GAS6: variants seen among roughly 807,000 people sequenced by gnomAD.
GAS6 encodes growth arrest specific 6.
GAS6 carries 41 observed loss-of-function variants against 75.8 expected under a neutral mutation model. The observed-to-expected ratio is 0.54, with a 90% CI of 0.42 to 0.70. The LOEUF is 0.70. Ranked by LOEUF, GAS6 falls within the 30% of genes least tolerant of loss-of-function variation. The probability of loss-of-function intolerance (pLI) is 0.00; values close to 1 mark genes in which losing one functional copy is unlikely to be tolerated. For synonymous variants in GAS6, 432 were observed against 412.6 expected, an observed-to-expected ratio of 1.05 and a Z score of -0.57; for missense variants, 854 against 940.2, an observed-to-expected ratio of 0.91 and a Z score of 1.20.
chr13:113,836,795 AGAGGAGGAGGAAGATGAG>A (rs1431332990), intron 6 of GAS6, among the ~76,000 whole-genome samples: 21 of 105,764 alleles, frequency 2.0e-4, no homozygotes, highest in South Asian at 4.1e-4. Flanking sequence ...AGGAGAAGAA[AGAGGAGGAGGAAGATGAG>A]GAGGAGGAGG....
At chr13:113,846,834 G>A (rs1412628238) in intron 3 of GAS6, 11 of 546,450 alleles carry the variant, frequency 2.0e-5, no homozygotes, top group South Asian at 1.4e-4. Context: ...GTAAAGCACC[G>A]CCCGCCGTTT....
At position 113,821,024 on chromosome 13, in the gene GAS6, C is replaced by T. The variant is rs958437135; in HGVS notation, c.1883-6G>A. The T allele has an allele frequency of 4.3e-5, 70 of 1,611,980 alleles. No homozygotes were observed. The highest frequency in any genetic ancestry group is 5.8e-5 in the Non-Finnish European group (68 of 1,179,698). ...CGCTGAAGTCACCGGCACATCTGGG[C>T]CGCAGGGAGAGAACAACATATCTTA... On this transcript the variant is annotated splice_region_variant and splice_polypyrimidine_tract_variant and intron_variant, in intron 14 of 14. Transcript: ENST00000327773.
At chr13:113,847,437 G>A (rs1242132937) in intron 3 of GAS6, among the ~76,000 whole-genome samples, 1 of 152,004 alleles carries the variant, frequency 6.6e-6, no homozygotes, top group East Asian at 1.9e-4. Context: ...CTCTAAGATG[G>A]TGTCAGTTAA....
At chr13:113,827,213 A>C (rs528073880) in intron 11 of GAS6, 49 bp from the exon 12 acceptor site, 1 of 1,586,108 alleles carries the variant, frequency 6.3e-7, no homozygotes, top group African/African-American at 1.3e-5. Context: ...GAGAAGCCCC[A>C]TGCCGGATGC....
chr13:113,821,105 C>T, intron 14 of GAS6, 87 bp from the exon 15 acceptor site: 1 of 1,453,698 alleles, frequency 6.9e-7, no homozygotes, highest in Non-Finnish European at 9.5e-7. Context: ...CGCTTGTGGC[C>T]AGCCCCGGGT....
chr13:113,859,129 CAT>C (rs957592564), intron 2 of GAS6, among the ~76,000 whole-genome samples: 32 of 130,998 alleles, frequency 2.4e-4, no homozygotes, highest in African/African-American at 8.6e-4. Context: ...TGTGTGCTTA[CAT>C]ATGTCTATGT....
intron 12 of GAS6, among the ~76,000 whole-genome samples, chr13:113,825,999 G>A (rs1253015045): frequency 6.6e-6 from 1 of 152,166 alleles, no homozygotes; most frequent in Non-Finnish European, 1.5e-5. Flanking sequence ...AAACGGCTCG[G>A]TGTCCAGGAA....
rs1594187053 is a variant in GAS6 at position 113,823,446 on chromosome 13, G to C, written c.1582C>G (p.Pro528Ala). ...GAGAGAGGCACGGCACGGAGGTCGG[G>C]GGCCCAGAGCGCAAACAGCACGCCT... Reference protein sequence around the residue: ...DTGVLFALWAPDLRAVPLSVA... With the variant: ...DTGVLFALWAADLRAVPLSVA... Residue 528 changes from proline to alanine, a missense_variant, in exon 13 of 15, where the codon CCC (proline) becomes GCC (alanine). Pro to Ala is a conservative substitution (Grantham distance 27). Transcript: ENST00000327773. 6.2e-7 allele frequency: 1 copy of C among 1,612,786 alleles called. No homozygotes were observed. The highest frequency in any genetic ancestry group is 8.5e-7 in the Non-Finnish European group (1 of 1,179,968).
intron 12 of GAS6, among the ~76,000 whole-genome samples, chr13:113,824,484 C>T (rs1202667863): frequency 6.6e-6 from 1 of 152,136 alleles, no homozygotes; most frequent in East Asian, 1.9e-4. Flanking sequence ...GGCATATCCT[C>T]TCCACGCTGA....
At chr13:113,821,431 G>C (rs74118438) in intron 14 of GAS6, 2 of 236,476 alleles carry the variant, frequency 8.5e-6, no homozygotes, top group South Asian at 8.1e-5. Flanking sequence ...GAAAACCTGC[G>C]GGCAGCCGAG....
intron 12 of GAS6, among the ~76,000 whole-genome samples, chr13:113,823,821 G>A (rs1045646959): frequency 1.6e-4 from 25 of 152,232 alleles, no homozygotes; most frequent in Non-Finnish European, 3.1e-4. Context: ...ACACAGGCCC[G>A]TCTGAGGGGC....
chr13:113,823,122 C>T (rs2051482271), intron 13 of GAS6: 1 of 438,948 alleles, frequency 2.3e-6, no homozygotes, highest in Non-Finnish European at 4.0e-6. Flanking sequence ...AGGGGAAAAG[C>T]TCCCACACTG....
chr13:113,826,370 G>T lies in GAS6; in HGVS notation c.1477+626C>A, dbSNP rs375902392. 4.1e-5 allele frequency among the ~76,000 whole-genome samples: 6 copies of T among 147,796 alleles called. No homozygotes were observed. In the South Asian group the frequency reaches 6.4e-4, roughly 16 times the overall value. ...GACTTTCTGCAAAGGACCCTGTAAG[G>T]CTCCCAGCCTCCCCGGCCTCGCAGG... On this transcript the variant is annotated intron_variant, in intron 12 of 14. Transcript: ENST00000327773.
chr13:113,833,606 GCA>G lies in GAS6; in HGVS notation c.835-856_835-855del, dbSNP rs1419758760. ...TCAGTGTGACAGGTCGGTGTGACAG[GCA>G]CCGGTGTGACAGGTCGGTGTGACAG... On this transcript the variant is annotated intron_variant, in intron 8 of 14. Transcript: ENST00000327773. 101 of 996,054 alleles carry G rather than the reference GCA, an allele frequency of 1.0e-4. No homozygotes were observed. In the East Asian group the frequency reaches 7.7e-3, roughly 76 times the overall value. The allele number at this position is 996,054 out of a possible 1,614,324, so 61.7% of individuals were successfully genotyped here.
chr13:113,851,311 C>G (rs1252971500), intron 2 of GAS6, among the ~76,000 whole-genome samples: 1 of 137,186 alleles, frequency 7.3e-6, no homozygotes, highest in Non-Finnish European at 1.6e-5. Flanking sequence ...GAGTGAGTGG[C>G]CAGATGAGTG....
rs7489780 is a variant in GAS6 at position 113,820,661 on chromosome 13, G to A, written c.*203C>T. The A allele has an allele frequency of 4.9e-5, 29 of 586,294 alleles. No individual in the cohort carries two copies. The highest frequency in any genetic ancestry group is 9.0e-5 in the Admixed American group (3 of 33,432). The allele number at this position is 586,294 out of a possible 1,614,324, so 36.3% of individuals were successfully genotyped here. A position where few individuals can be genotyped will look rare whatever the true frequency, so the allele number is the denominator to read the frequency against. ...CTTCGAGCCCGCTCTGCGCTGCGCC[G>A]GCCTCCCCGCGCCCGGGCCCACGGC... On this transcript the variant is annotated 3_prime_UTR_variant, in exon 15 of 15. Coordinates refer to ENST00000327773, the MANE Select transcript of GAS6 (RefSeq NM_000820.4).
intron 12 of GAS6, among the ~76,000 whole-genome samples, chr13:113,826,395 G>C (rs1594189736): frequency 6.8e-6 from 1 of 147,426 alleles, no homozygotes; most frequent in East Asian, 2.0e-4. Context: ...GGCCTCGCAG[G>C]CACCTTCTCT....
chr13:113,826,360 A>G (rs1215654960), intron 12 of GAS6, among the ~76,000 whole-genome samples: 1 of 151,804 alleles, frequency 6.6e-6, no homozygotes, highest in African/African-American at 2.4e-5. Flanking sequence ...TCTGCAAAGG[A>G]CCCTGTAAGG....
intron 2 of GAS6, among the ~76,000 whole-genome samples, chr13:113,856,482 C>T (rs577714946): frequency 4.6e-5 from 7 of 152,102 alleles, no homozygotes; most frequent in African/African-American, 1.7e-4. Flanking sequence ...ATGGAGACCC[C>T]GAGAACAGCA....
Sources: allele counts gnomAD v4.1 joint callset (sites outside exome capture counted in the v4.1 genomes callset), GRCh38; gene constraint gnomAD v4.1.1; transcripts MANE v1.5; gene names NCBI Gene and HGNC (gene_info 2026-07-23, HGNC 2026-07-21).